Variants in KRIT1 observed in about 807,000 individuals in gnomAD.
The protein encoded by KRIT1 is krev interaction trapped protein 1.
KRIT1 carries 45 observed loss-of-function variants against 95.8 expected under a neutral mutation model. The observed-to-expected ratio is 0.47, with a 90% CI of 0.37 to 0.60. KRIT1 has a LOEUF of 0.60. Among genes scored for constraint, KRIT1 ranks in the 20% least tolerant of loss-of-function variants. The probability of loss-of-function intolerance (pLI) is 0.00; values close to 1 mark genes in which losing one functional copy is unlikely to be tolerated. For missense variants in KRIT1, 788 were observed against 877.5 expected, an observed-to-expected ratio of 0.90 and a Z score of 1.29; for synonymous variants, 282 against 278.8, an observed-to-expected ratio of 1.01 and a Z score of -0.11.
intron 12 of KRIT1, among the ~76,000 whole-genome samples, chr7:92,224,646 A>T (rs1167032295): frequency 6.6e-6 from 1 of 152,034 alleles, no homozygotes; most frequent in Non-Finnish European, 1.5e-5. Flanking sequence ...TCGATTTATG[A>T]GTTTATTTCC....
At position 92,222,017 on chromosome 7, in the gene KRIT1, T is replaced by A; in HGVS notation, c.1448A>T (p.His483Leu). 1 of 1,613,640 alleles carries A rather than the reference T, an allele frequency of 6.2e-7. No individual in the cohort carries two copies. The highest frequency in any genetic ancestry group is 8.5e-7 in the Non-Finnish European group (1 of 1,179,588). ...AAGTATTTCTGGCCAGTCACGAACATGTTGCAAGGGTTTATGATATGGTTT... is the reference window on the plus strand; with the variant it reads ...AAGTATTTCTGGCCAGTCACGAACAAGTTGCAAGGGTTTATGATATGGTTT... ...QLKPYHKPLQHVRDWPEILAE... is the reference protein window; with the variant it reads ...QLKPYHKPLQLVRDWPEILAE... Residue 483 changes from histidine (H) to leucine (L), a missense_variant, in exon 14 of 19, where the codon CAT (histidine) becomes CTT (leucine). His to Leu is a moderately conservative substitution (Grantham distance 99, BLOSUM62 -3). This residue lies in a region of KRIT1 where 493 missense variants were observed against 582.3 expected (regional missense o/e 0.85). Coordinates refer to ENST00000394505, the MANE Select transcript of KRIT1 (RefSeq NM_194454.3).
intron 5 of KRIT1, among the ~76,000 whole-genome samples, chr7:92,238,813 A>G (rs1420607181): frequency 6.6e-6 from 1 of 152,228 alleles, no homozygotes; most frequent in Non-Finnish European, 1.5e-5. Flanking sequence ...ACCAATGGAA[A>G]TGCTTATAGG....
rs1470126081 is a variant in KRIT1, at chr7:92,215,492, C to T, written c.1564-715G>A. Reference sequence around the variant, plus strand: ...TAAATTTTTGTTTTGTTTTTTGAGACAGGGTCTTGCTCTGCCAGCCAGGCT... The same window carrying T: ...TAAATTTTTGTTTTGTTTTTTGAGATAGGGTCTTGCTCTGCCAGCCAGGCT... On this transcript the variant is annotated intron_variant, in intron 14 of 18. Coordinates refer to ENST00000394505, the MANE Select transcript of KRIT1 (RefSeq NM_194454.3). Among the ~76,000 whole-genome samples, 8 of 152,236 alleles carry T rather than the reference C, an allele frequency of 5.3e-5. No individual in the cohort carries two copies. In the South Asian group the frequency reaches 6.2e-4, roughly 12 times the overall value.
chr7:92,204,952 A>T (rs1395879044), intron 17 of KRIT1, among the ~76,000 whole-genome samples: 1 of 152,178 alleles, frequency 6.6e-6, no homozygotes, highest in African/African-American at 2.4e-5. Flanking sequence ...TGTATCTATC[A>T]AAGTAACTGT....
intron 14 of KRIT1, among the ~76,000 whole-genome samples, chr7:92,215,157 T>C (rs573379894): frequency 1.3e-5 from 2 of 152,280 alleles, no homozygotes; most frequent in East Asian, 3.9e-4. Flanking sequence ...AATCATCTTG[T>C]GAGGTATACA....
chr7:92,226,564 T>C lies in KRIT1; in HGVS notation c.1108A>G (p.Ile370Val). The change falls in exon 11 of 19, where the codon ATA becomes GTA. Residue 370 changes from isoleucine to valine, a missense_variant. Physicochemically the swap from Ile to Val is conservative, Grantham distance 29. This residue lies in a region of KRIT1 where 493 missense variants were observed against 582.3 expected (regional missense o/e 0.85). Transcript: ENST00000394505. Reference protein sequence around the residue: ...HFAAGGGHAEIVQILLNHPET... With the variant: ...HFAAGGGHAEVVQILLNHPET... ...GGGTGGTTTAGGAGAATCTGTACTA[T>C]TTCAGCATGTCCTCCTCCAGCAGCA... 6.2e-7 allele frequency: 1 copy of C among 1,613,218 alleles called. No homozygotes were observed. The highest frequency in any genetic ancestry group is 8.5e-7 in the Non-Finnish European group (1 of 1,179,262).
chr7:92,235,785 T>G, intron 7 of KRIT1, 139 bp from the exon 8 acceptor site: 1 of 757,084 alleles, frequency 1.3e-6, no homozygotes, highest in Non-Finnish European at 2.1e-6. Flanking sequence ...GTTAGTTAAG[T>G]ACTTTATTAT....
intron 14 of KRIT1, among the ~76,000 whole-genome samples, chr7:92,220,436 G>A (rs2131409265): frequency 6.6e-6 from 1 of 152,174 alleles, no homozygotes; most frequent in South Asian, 2.1e-4. Context: ...TCTTTGGCTT[G>A]ATAATATAAA....
rs756678643 is a variant in KRIT1, at chr7:92,222,823, G to A, written c.1410C>T (p.Leu470=). 3.1e-6 allele frequency: 5 copies of A among 1,593,600 alleles called. No individual in the cohort carries two copies. In the African/African-American group the frequency reaches 5.4e-5, roughly 17 times the overall value. The change falls in exon 13 of 19, where the codon CTC becomes CTT. Residue 470 remains leucine (L), a splice_region_variant and synonymous_variant. Coordinates refer to ENST00000394505, the MANE Select transcript of KRIT1 (RefSeq NM_194454.3). ...ATAACATAATAAAAACTTTCTTACT[G>A]AGGTTTTCTGAACAAATCCATATAG... ...YFTIWICSEN[L]SLQLKPYHKP...
chr7:92,235,217 C>G (rs951796077), intron 8 of KRIT1, among the ~76,000 whole-genome samples, 186 bp downstream of exon 8: 1 of 152,140 alleles, frequency 6.6e-6, no homozygotes. Flanking sequence ...CCAGGCTGGT[C>G]TCGAACTCCT....
chr7:92,238,504 GATT>G (rs933396013), intron 5 of KRIT1, among the ~76,000 whole-genome samples: 7 of 152,158 alleles, frequency 4.6e-5, no homozygotes, highest in African/African-American at 1.7e-4. Context: ...CAATATTTGT[GATT>G]ATTAAGACCT....
chr7:92,214,630 G>A lies in KRIT1; in HGVS notation c.1711C>T (p.His571Tyr). ...ACTTACTTTAGGAAACCTTGCTTGTGTTTTTTACTCTCATAATTTCCATAG... is the reference window on the plus strand; with the variant it reads ...ACTTACTTTAGGAAACCTTGCTTGTATTTTTTACTCTCATAATTTCCATAG... Reference protein sequence around the residue: ...IVYGNYESKKHKQGFLNEENL... With the variant: ...IVYGNYESKKYKQGFLNEENL... Residue 571 changes from histidine (H) to tyrosine (Y), a missense_variant, in exon 15 of 19, where the codon CAC becomes TAC. Transcript: ENST00000394505. 6.2e-7 allele frequency: 1 copy of A among 1,612,084 alleles called. No homozygotes were observed. The highest frequency in any genetic ancestry group is 8.5e-7 in the Non-Finnish European group (1 of 1,178,316).
chr7:92,245,610 C>A (rs538260113), intron 1 of KRIT1, 180 bp downstream of exon 1: 3 of 152,234 alleles, frequency 2.0e-5, no homozygotes, highest in Non-Finnish European at 2.9e-5. Flanking sequence ...CGAGGGGGGG[C>A]AGGGACCGTC....
Position 92,234,443 on chromosome 7 carries a change from A to G in KRIT1, c.989+6T>C. The G allele has an allele frequency of 6.3e-7, 1 of 1,588,594 alleles. No individual in the cohort carries two copies. Among genetic ancestry groups the G allele is most frequent in the South Asian group, 1.1e-5 (1 of 90,404 alleles). Reference sequence around the variant, plus strand: ...CTAAAAAGAAAAGAATAAATATTCCATTTACCAGCATGCATAATGAATGGG... The same window carrying G: ...CTAAAAAGAAAAGAATAAATATTCCGTTTACCAGCATGCATAATGAATGGG... On this transcript the variant is annotated splice_donor_region_variant and intron_variant, in intron 10 of 18. Transcript: ENST00000394505.
intron 14 of KRIT1, among the ~76,000 whole-genome samples, chr7:92,219,958 GTTCAGC>G (rs1449308890): frequency 6.6e-6 from 1 of 152,166 alleles, no homozygotes; most frequent in African/African-American, 2.4e-5. Flanking sequence ...GATTTTGTGT[GTTCAGC>G]TTATACCTTG....
chr7:92,212,660 A>T (rs1324906868), intron 17 of KRIT1, among the ~76,000 whole-genome samples: 1 of 152,202 alleles, frequency 6.6e-6, no homozygotes, highest in Non-Finnish European at 1.5e-5. Flanking sequence ...TCAGACTTCC[A>T]GTTTCTAGAA....
At chr7:92,231,113 T>G (rs1347695221) in intron 10 of KRIT1, among the ~76,000 whole-genome samples, 1 of 152,170 alleles carries the variant, frequency 6.6e-6, no homozygotes, top group African/African-American at 2.4e-5. Context: ...ATAGAGGGTC[T>G]GGCATAGGGG....
intron 6 of KRIT1, among the ~76,000 whole-genome samples, chr7:92,236,857 G>GA (rs1798533391): frequency 1.3e-5 from 2 of 152,092 alleles, no homozygotes; most frequent in South Asian, 4.1e-4. Flanking sequence ...AGTATGCCTG[G>GA]AAAAATATAT....
chr7:92,219,473 A>C (rs1029851328), intron 14 of KRIT1, among the ~76,000 whole-genome samples: 2 of 152,210 alleles, frequency 1.3e-5, no homozygotes, highest in Non-Finnish European at 2.9e-5. Context: ...TATTTCTGAA[A>C]ACTCAATTCT....
Sources: allele counts gnomAD v4.1 joint callset (sites outside exome capture counted in the v4.1 genomes callset), GRCh38; gene constraint gnomAD v4.1.1; regional missense constraint gnomAD v4.1.1; transcripts MANE v1.5; gene names NCBI Gene and HGNC (gene_info 2026-07-23, HGNC 2026-07-21).